Variants in CUBN observed in about 807,000 individuals in gnomAD.
CUBN encodes the protein cubilin.
In CUBN, 282 loss-of-function variants were observed where a neutral mutation model predicts 405.3. The ratio of observed to expected loss-of-function variants is 0.70; its 90% CI spans 0.63 to 0.77. CUBN has a LOEUF of 0.77. Ranked by LOEUF, CUBN falls within the 30% of genes least tolerant of loss-of-function variation. The pLI is 0.00. For synonymous variants in CUBN, 1,684 were observed against 1,617.0 expected (o/e 1.04, Z -0.99); for missense variants, 4,514 against 4,475.2 (o/e 1.01, Z -0.25).
intron 54 of CUBN, among the ~76,000 whole-genome samples, chr10:16,893,030 C>T (rs866514464): frequency 1.6e-4 from 24 of 152,270 alleles, no homozygotes; most frequent in Middle Eastern, 3.4e-3. Context: ...TTCATTTCTG[C>T]CTTGCCTATC....
At chr10:17,053,584 G>C (rs1383496025) in intron 22 of CUBN, among the ~76,000 whole-genome samples, 2 of 152,032 alleles carry the variant, frequency 1.3e-5, no homozygotes, top group East Asian at 1.9e-4. Context: ...GAAGGAAAGT[G>C]AAAAGGCAAA....
Position 16,927,121 on chromosome 10 carries a change from A to G in CUBN, c.6271+1036T>C, listed in dbSNP as rs189070698. Among the ~76,000 whole-genome samples the G allele has an allele frequency of 2.5e-3, 380 of 152,156 alleles. 2 individuals carry two copies. The highest frequency in any genetic ancestry group is 8.7e-3 in the African/African-American group (360 of 41,504). ...ATTTATATATATTATATACATATATAAACACACATATTAATTCCAATGGTT... is the reference window on the plus strand; with the variant it reads ...ATTTATATATATTATATACATATATGAACACACATATTAATTCCAATGGTT... On this transcript the variant is annotated intron_variant, in intron 41 of 66. Transcript: ENST00000377833.
intron 66 of CUBN, among the ~76,000 whole-genome samples, chr10:16,827,745 G>A (rs1838828313): frequency 6.6e-6 from 1 of 152,206 alleles, no homozygotes; most frequent in African/African-American, 2.4e-5. Context: ...GGGATTACAG[G>A]CGTGTGCCAC....
At chr10:17,124,265 C>T (rs896504736) in intron 4 of CUBN, among the ~76,000 whole-genome samples, 29 of 152,148 alleles carry the variant, frequency 1.9e-4, no homozygotes, top group Admixed American at 1.8e-3. Flanking sequence ...CTGCTTTCAG[C>T]CCAGATCACA....
At position 16,906,385 on chromosome 10, in the gene CUBN, G is replaced by A; in HGVS notation, c.7730C>T (p.Thr2577Ile). The change falls in exon 50 of 67, where the codon ACT becomes ATT. Residue 2577 changes from threonine (T) to isoleucine (I), a missense_variant. Around this residue, in one of 5 missense-constraint regions of CUBN, gnomAD observed 1,613 missense variants for 1,542.8 expected, o/e 1.05. Coordinates refer to ENST00000377833, the MANE Select transcript of CUBN (RefSeq NM_001081.4). ...AGGAGAAGTAAAGTTTCCTTCAGGA[G>A]TATTTGGAAGAGACCCACCACACAC... ...DAVCGGSLPN[T>I]PEGNFTSPGY... The A allele has an allele frequency of 6.2e-7, 1 of 1,613,764 alleles. No individual in the cohort carries two copies. Among genetic ancestry groups the A allele is most frequent in the South Asian group, 1.1e-5 (1 of 91,074 alleles).
intron 27 of CUBN, among the ~76,000 whole-genome samples, chr10:17,035,893 A>C (rs1295286546): frequency 6.6e-6 from 1 of 151,912 alleles, no homozygotes; most frequent in Non-Finnish European, 1.5e-5. Flanking sequence ...ACTAGGCTTA[A>C]TACCTAGGTG....
intron 17 of CUBN, among the ~76,000 whole-genome samples, chr10:17,080,337 A>G (rs1481427587): frequency 6.6e-6 from 1 of 152,252 alleles, no homozygotes; most frequent in African/African-American, 2.4e-5. Flanking sequence ...GGTCTAAAAT[A>G]TGATGAATTA....
intron 43 of CUBN, among the ~76,000 whole-genome samples, chr10:16,920,810 A>G (rs1382805502): frequency 6.6e-6 from 1 of 152,226 alleles, no homozygotes; most frequent in African/African-American, 2.4e-5. Flanking sequence ...TTACAATGCC[A>G]ATGAAATTAA....
rs561898607 is a variant in CUBN, at chr10:16,977,105, T to C, written c.4695+5379A>G. 3.3e-5 allele frequency among the ~76,000 whole-genome samples: 5 copies of C among 152,288 alleles called. No homozygotes were observed. The South Asian group carries it at 6.2e-4, about 19-fold the overall frequency. ...CATATTACATCTCATTTTTGTTATA[T>C]TGTCCCCTCAAGTACATGACTATCT... On this transcript the variant is annotated intron_variant, in intron 31 of 66. Transcript: ENST00000377833.
At chr10:16,834,497 C>T (rs1388391291) in intron 64 of CUBN, among the ~76,000 whole-genome samples, 3 of 152,094 alleles carry the variant, frequency 2.0e-5, no homozygotes, top group Admixed American at 6.5e-5. Context: ...AGACCACACC[C>T]CCCTGAGACC....
Position 16,928,198 on chromosome 10 carries a change from G to T in CUBN, c.6230C>A (p.Ser2077Tyr), listed in dbSNP as rs1379126912. The T allele has an allele frequency of 1.2e-6, 2 of 1,613,982 alleles. No individual in the cohort carries two copies. Among genetic ancestry groups the T allele is most frequent in the Non-Finnish European group, 8.5e-7 (1 of 1,179,890 alleles). ...EYMFIRFTSDSSVTRAGFNAS... is the reference protein window; with the variant it reads ...EYMFIRFTSDYSVTRAGFNAS... ...ATTGAAGCCTGCCCTGGTTACACTG[G>T]AGTCCGAGGTGAAGCGGATGAACAT... The change falls in exon 41 of 67, where the codon TCC becomes TAC. Residue 2077 changes from serine to tyrosine, a missense_variant. By Grantham distance (144) the Ser-to-Tyr change is moderately radical. Around this residue, in one of 5 missense-constraint regions of CUBN, gnomAD observed 1,613 missense variants for 1,542.8 expected, o/e 1.05. Coordinates refer to ENST00000377833, the MANE Select transcript of CUBN (RefSeq NM_001081.4).
At chr10:16,837,183 C>A (rs1839198244) in intron 62 of CUBN, among the ~76,000 whole-genome samples, 5 of 151,976 alleles carry the variant, frequency 3.3e-5, no homozygotes, top group Admixed American at 1.3e-4. Context: ...GTCAGTCATT[C>A]TCGGTATACA....
At chr10:16,865,571 G>C (rs940473275) in intron 59 of CUBN, among the ~76,000 whole-genome samples, 1 of 152,050 alleles carries the variant, frequency 6.6e-6, no homozygotes, top group African/African-American at 2.4e-5. Flanking sequence ...TCTTACAAGA[G>C]GATTGTAAAA....
intron 41 of CUBN, among the ~76,000 whole-genome samples, chr10:16,926,031 C>A (rs1564427434): frequency 6.6e-6 from 1 of 152,076 alleles, no homozygotes; most frequent in Non-Finnish European, 1.5e-5. Flanking sequence ...ATAAAGATTT[C>A]TTTATAGATG....
At chr10:17,128,452 T>C (rs1837249071) in intron 2 of CUBN, among the ~76,000 whole-genome samples, 2 of 152,218 alleles carry the variant, frequency 1.3e-5, no homozygotes, top group South Asian at 2.1e-4. Context: ...GCAGTGATTA[T>C]TGGGAAATGA....
chr10:17,103,104 G>C, intron 13 of CUBN, 21 bp downstream of exon 13: 1 of 1,337,570 alleles, frequency 7.5e-7, no homozygotes, highest in Non-Finnish European at 1.1e-6. Context: ...TATGCATTTG[G>C]GCAAGAGTTA....
intron 22 of CUBN, among the ~76,000 whole-genome samples, chr10:17,058,535 C>T (rs917115427): frequency 5.3e-5 from 8 of 152,060 alleles, no homozygotes; most frequent in Admixed American, 1.3e-4. Context: ...CCCTGCTACA[C>T]GTATTAAACA....
chr10:16,936,428 T>C (rs755307586), intron 39 of CUBN, among the ~76,000 whole-genome samples: 19 of 152,118 alleles, frequency 1.2e-4, no homozygotes, highest in Non-Finnish European at 2.1e-4. Context: ...ATTAGAGAGG[T>C]AGGAACAACA....
At chr10:17,018,057 G>A (rs1378376369) in intron 28 of CUBN, among the ~76,000 whole-genome samples, 3 of 151,682 alleles carry the variant, frequency 2.0e-5, no homozygotes, top group Non-Finnish European at 4.4e-5. Flanking sequence ...CAGGAAAAGC[G>A]GAAGCTGGTT....
Sources: allele counts gnomAD v4.1 joint callset (sites outside exome capture counted in the v4.1 genomes callset), GRCh38; gene constraint gnomAD v4.1.1; regional missense constraint gnomAD v4.1.1; transcripts MANE v1.5; gene names NCBI Gene and HGNC (gene_info 2026-07-23, HGNC 2026-07-21).